ATP5F1B: variants seen among roughly 807,000 people sequenced by gnomAD.
ATP5F1B encodes ATP synthase F(1) complex subunit beta, mitochondrial.
ATP5F1B carries 17 observed loss-of-function variants against 45.9 expected under a neutral mutation model. The ratio of observed to expected loss-of-function variants is 0.37; its 90% CI spans 0.25 to 0.56. The LOEUF (loss-of-function observed/expected upper bound fraction) is 0.56, where lower values mean the gene tolerates loss of function less well. ATP5F1B is among the 20% of genes least tolerant of loss of function. The pLI, the probability that ATP5F1B is intolerant of heterozygous loss-of-function variation, is 0.80. For missense variants in ATP5F1B, 387 were observed against 673.2 expected, an observed-to-expected ratio of 0.57 and a Z score of 4.70; for synonymous variants, 218 against 256.5, an observed-to-expected ratio of 0.85 and a Z score of 1.43.
At chr12:56,639,041 C>G in intron 9 of ATP5F1B, 65 bp downstream of exon 9, 1 of 1,478,782 alleles carries the variant, frequency 6.8e-7, no homozygotes, top group Non-Finnish European at 9.4e-7. Flanking sequence ...ACATATATTG[C>G]TTGACGGTTG....
At chr12:56,645,558 T>C (rs1423591756) in intron 1 of ATP5F1B, among the ~76,000 whole-genome samples, 1 of 152,114 alleles carries the variant, frequency 6.6e-6, no homozygotes, top group African/African-American at 2.4e-5. Context: ...CAAGACCCCA[T>C]TTTTCGAGAG....
intron 3 of ATP5F1B, 126 bp from the exon 4 acceptor site, chr12:56,644,084 C>T: frequency 1.9e-6 from 2 of 1,058,656 alleles, no homozygotes; most frequent in Admixed American, 5.9e-5. Flanking sequence ...CTTACCTCCC[C>T]TTTCTTACAT....
At position 56,642,389 on chromosome 12, in the gene ATP5F1B, G is replaced by T. The variant is rs1951518802; in HGVS notation, c.1074+69C>A. ...CAATCTTCCTGCCTCAGCCTCCTCAGTAGCTGAGATGCACCACTGCACCCT... is the reference window on the plus strand; with the variant it reads ...CAATCTTCCTGCCTCAGCCTCCTCATTAGCTGAGATGCACCACTGCACCCT... On this transcript the variant is annotated intron_variant, in intron 7 of 9. Transcript: ENST00000262030. 5.0e-6 allele frequency: 8 copies of T among 1,597,596 alleles called. No individual in the cohort carries two copies. In the South Asian group the frequency reaches 9.0e-5, roughly 18 times the overall value.
At chr12:56,638,979 A>T in intron 9 of ATP5F1B, 127 bp downstream of exon 9, 1 of 884,750 alleles carries the variant, frequency 1.1e-6, no homozygotes, top group South Asian at 1.8e-5. Context: ...AAACAAAATC[A>T]ATGGGTAAGT....
intron 9 of ATP5F1B, among the ~76,000 whole-genome samples, chr12:56,638,713 T>C (rs1951490356): frequency 1.3e-5 from 2 of 152,092 alleles, no homozygotes; most frequent in African/African-American, 4.8e-5. Context: ...CCAGCCAACA[T>C]GGTGAAACCC....
intron 8 of ATP5F1B, chr12:56,639,526 C>A: frequency 1.8e-6 from 1 of 545,644 alleles, no homozygotes; most frequent in Non-Finnish European, 3.3e-6. Flanking sequence ...GTAATCCCAC[C>A]ACTTTGGGAG....
chr12:56,639,641 C>T (rs992151159), intron 8 of ATP5F1B, among the ~76,000 whole-genome samples: 10 of 151,814 alleles, frequency 6.6e-5, no homozygotes, highest in Middle Eastern at 3.4e-3. Flanking sequence ...CATGGTGGCG[C>T]GCACCTGTAA....
chr12:56,642,403 C>T (rs1419934347), intron 7 of ATP5F1B, 55 bp downstream of exon 7: 1 of 1,607,174 alleles, frequency 6.2e-7, no homozygotes, highest in African/African-American at 1.3e-5. Flanking sequence ...CTGAGATGCA[C>T]CACTGCACCC....
rs780918856 is a variant in ATP5F1B at position 56,639,296 on chromosome 12, G to A, written c.1299C>T (p.Ser433=). ...GVQKILQDYK[S]LQDIIAILGM... is the part of the protein sequence containing the mutation. ...CCAGGATGGCAATGATATCCTGGAG[G>A]GATTTGTAGTCCTATGAGAAAAAAG... The change falls in exon 9 of 10, where the codon TCC becomes TCT. Residue 433 remains serine (S), a synonymous_variant. Transcript: ENST00000262030. 1 of 1,613,004 alleles carries A rather than the reference G, an allele frequency of 6.2e-7. No homozygotes were observed. Among genetic ancestry groups the A allele is most frequent in the Non-Finnish European group, 8.5e-7 (1 of 1,179,546 alleles).
At chr12:56,640,569 A>G (rs1290681719) in intron 7 of ATP5F1B, among the ~76,000 whole-genome samples, 34 of 151,876 alleles carry the variant, frequency 2.2e-4, no homozygotes, top group Admixed American at 6.6e-5. Flanking sequence ...TTTCTGACCT[A>G]TCTTTATCAT....
intron 1 of ATP5F1B, among the ~76,000 whole-genome samples, 185 bp from the exon 2 acceptor site, chr12:56,645,538 T>C (rs1215778893): frequency 6.6e-6 from 1 of 152,094 alleles, no homozygotes; most frequent in East Asian, 1.9e-4. Context: ...AGCCTTCCCA[T>C]CCGCATGCAC....
At chr12:56,644,454 T>C (rs1176364889) in intron 3 of ATP5F1B, among the ~76,000 whole-genome samples, 1 of 151,554 alleles carries the variant, frequency 6.6e-6, no homozygotes, top group Non-Finnish European at 1.5e-5. Flanking sequence ...GTACTAAAAA[T>C]ACAAAAATTA....
At chr12:56,643,374 A>C (rs754250756) in intron 5 of ATP5F1B, 29 bp downstream of exon 5, 38 of 1,592,014 alleles carry the variant, frequency 2.4e-5, no homozygotes, top group Non-Finnish European at 3.1e-5. Flanking sequence ...CGTAACTACC[A>C]CGTGGACATC....
chr12:56,638,992 GTTT>G, intron 9 of ATP5F1B, 111 bp downstream of exon 9: 4 of 1,043,446 alleles, frequency 3.8e-6, no homozygotes, highest in Non-Finnish European at 5.5e-6. Context: ...GGGTAAGTTT[GTTT>G]TTTAAATTAA....
Position 56,644,966 on chromosome 12 carries a change from C to T in ATP5F1B, c.311-11G>A. On this transcript the variant is annotated splice_polypyrimidine_tract_variant and intron_variant, in intron 2 of 9. Transcript: ENST00000262030. ...TTACTGTGCTCTCACCTGTTAGATA[C>T]AGGCATCGCAGGGTTATACATAAGG... The T allele has an allele frequency of 1.2e-6, 2 of 1,614,116 alleles. No homozygotes were observed. Among genetic ancestry groups the T allele is most frequent in the Non-Finnish European group, 1.7e-6 (2 of 1,179,942 alleles).
At chr12:56,645,083 A>G in intron 2 of ATP5F1B, 88 bp downstream of exon 2, 2 of 1,607,372 alleles carry the variant, frequency 1.2e-6, no homozygotes, top group Non-Finnish European at 8.5e-7. Flanking sequence ...AGTCATTTTG[A>G]TAAAATCATC....
chr12:56,644,033 A>G, intron 3 of ATP5F1B, 75 bp from the exon 4 acceptor site: 9 of 1,537,174 alleles, frequency 5.9e-6, no homozygotes, highest in Non-Finnish European at 7.9e-6. Flanking sequence ...ATCCCTCCCT[A>G]TCAACTCTCA....
In ATP5F1B at chr12:56,645,854, G is replaced by T; in HGVS notation, c.110C>A (p.Pro37Gln). 6.2e-7 allele frequency: 1 copy of T among 1,609,142 alleles called. No individual in the cohort carries two copies. Among genetic ancestry groups the T allele is most frequent in the Non-Finnish European group, 8.5e-7 (1 of 1,178,012 alleles). Residue 37 changes from proline to glutamine, a missense_variant, in exon 1 of 10, where the codon CCG becomes CAG. Around this residue, in one of 6 missense-constraint regions of ATP5F1B, gnomAD observed 76 missense variants for 62.0 expected, o/e 1.23. Transcript: ENST00000262030. ...GCACTTACCAGGATGGACCGCCGTC[G>T]GAGCGGCCCGCAGTAAGAGCTGAGC... is the stretch of plus-strand genomic sequence containing the variant. ...PPAQLLLRAA[P>Q]TAVHPVRDYA...
intron 8 of ATP5F1B, 160 bp from the exon 9 acceptor site, chr12:56,639,467 G>A: frequency 2.9e-6 from 2 of 699,328 alleles, no homozygotes; most frequent in Non-Finnish European, 4.7e-6. Flanking sequence ...TCCTAGTTTG[G>A]TGCTGTTAGA....
Sources: gnomAD v4.1 joint callset for allele counts (sites outside exome capture counted in the v4.1 genomes callset) on GRCh38, gnomAD v4.1.1 for gene constraint, gnomAD v4.1.1 regional missense constraint, MANE v1.5 for transcripts, NCBI Gene and HGNC (gene_info 2026-07-23, HGNC 2026-07-21) for gene names.